Variants in GALNT2 observed in about 807,000 individuals in gnomAD.
The protein encoded by GALNT2 is UDP-GalNAc:polypeptide N-acetylgalactosaminyltransferase 2.
A neutral mutation model predicts 81.4 loss-of-function variants in GALNT2; 31 were observed. That is an observed-to-expected ratio of 0.38 (90% confidence interval 0.29 to 0.51). The LOEUF is 0.51. Among genes scored for constraint, GALNT2 ranks in the 20% least tolerant of loss-of-function variants. The pLI is 0.87. For synonymous variants in GALNT2, 303 were observed against 287.4 expected, an observed-to-expected ratio of 1.05 and a Z score of -0.55; for missense variants, 629 against 765.7, an observed-to-expected ratio of 0.82 and a Z score of 2.11.
chr1:230,101,178 A>G (rs1253374168), intron 1 of GALNT2, among the ~76,000 whole-genome samples: 1 of 152,166 alleles, frequency 6.6e-6, no homozygotes, highest in South Asian at 2.1e-4. Flanking sequence ...CCAGATCTCC[A>G]TTGTTAAGTG....
At position 230,178,326 on chromosome 1, in the gene GALNT2, C is replaced by T; in HGVS notation, c.220+15C>T. 6.2e-7 allele frequency: 1 copy of T among 1,601,062 alleles called. No homozygotes were observed. The highest frequency in any genetic ancestry group is 1.3e-5 in the African/African-American group (1 of 74,756). ...CCTCCCTCCAGGTACTGCCAGGGGC[C>T]AGGAAGCCATCTTGCTTTGAGCACG... On this transcript the variant is annotated intron_variant, in intron 2 of 15. Transcript: ENST00000366672.
chr1:230,152,480 C>T (rs917284743), intron 1 of GALNT2, among the ~76,000 whole-genome samples: 3 of 152,166 alleles, frequency 2.0e-5, no homozygotes, highest in African/African-American at 7.2e-5. Context: ...TGGAGCACAT[C>T]ATACATGTAA....
At chr1:230,130,230 T>A (rs1661325501) in intron 1 of GALNT2, among the ~76,000 whole-genome samples, 1 of 152,192 alleles carries the variant, frequency 6.6e-6, no homozygotes, top group African/African-American at 2.4e-5. Flanking sequence ...GCTAAACCTC[T>A]CTAATTGCCT....
chr1:230,140,873 A>G lies in GALNT2; in HGVS notation c.127-37345A>G, dbSNP rs940731642. ...ACCCAGCTGTACAGTATTTCAGTGT[A>G]TTCAGAGGACCTCTTTTCCATTACC... On this transcript the variant is annotated intron_variant, in intron 1 of 15. Coordinates refer to ENST00000366672, the MANE Select transcript of GALNT2 (RefSeq NM_004481.5). 2.6e-5 allele frequency among the ~76,000 whole-genome samples: 4 copies of G among 152,266 alleles called. 1 individual carries two copies. Among genetic ancestry groups the G allele is most frequent in the South Asian group, 4.1e-4 (2 of 4,832 alleles).
chr1:230,270,961 C>G (rs1666145906), intron 14 of GALNT2, among the ~76,000 whole-genome samples: 1 of 152,218 alleles, frequency 6.6e-6, no homozygotes. Context: ...GTCTGCTTTA[C>G]AGTAATTAAG....
At chr1:230,247,904 A>G (rs953775947) in intron 8 of GALNT2, among the ~76,000 whole-genome samples, 1 of 152,234 alleles carries the variant, frequency 6.6e-6, no homozygotes, top group African/African-American at 2.4e-5. Flanking sequence ...AGGAAAGGTT[A>G]TGTCAGCTAA....
chr1:230,102,058 G>A (rs935094148), intron 1 of GALNT2, among the ~76,000 whole-genome samples: 1 of 152,186 alleles, frequency 6.6e-6, no homozygotes, highest in Non-Finnish European at 1.5e-5. Context: ...CTTCTGCATT[G>A]TGTAAAGTGC....
intron 1 of GALNT2, among the ~76,000 whole-genome samples, chr1:230,152,164 T>A (rs1458786710): frequency 6.6e-6 from 1 of 152,206 alleles, no homozygotes; most frequent in East Asian, 1.9e-4. Flanking sequence ...TGCAGCCCAG[T>A]AGGTTTTAGC....
chr1:230,266,989 GACACACACACACAC>G (rs35956776), intron 14 of GALNT2, among the ~76,000 whole-genome samples: 2 of 146,678 alleles, frequency 1.4e-5, no homozygotes, highest in South Asian at 2.2e-4. Context: ...GCACGTGTGT[GACACACACACACAC>G]ACACACACAC....
chr1:230,114,443 C>T (rs149675101), intron 1 of GALNT2, among the ~76,000 whole-genome samples: 2,078 of 152,290 alleles, frequency 0.014, 26 homozygotes, highest in Middle Eastern at 0.044. Flanking sequence ...AATGGGCAGA[C>T]GTTTCCCACA....
intron 3 of GALNT2, among the ~76,000 whole-genome samples, chr1:230,204,884 G>A (rs76865300): frequency 0.036 from 5,546 of 152,326 alleles, 138 homozygotes; most frequent in Non-Finnish European, 0.056. Flanking sequence ...GCTGCTAGGG[G>A]TGGCAGGTGC....
chr1:230,061,218 GT>G (rs1659039246), intron 1 of GALNT2, among the ~76,000 whole-genome samples: 2 of 151,670 alleles, frequency 1.3e-5, no homozygotes, highest in Non-Finnish European at 2.9e-5. Context: ...GTGTGTGTGT[GT>G]GTGTGTCTGT....
chr1:230,127,380 T>C (rs771513902), intron 1 of GALNT2, among the ~76,000 whole-genome samples: 9 of 152,084 alleles, frequency 5.9e-5, no homozygotes, highest in Non-Finnish European at 1.3e-4. Flanking sequence ...TCATTATGAA[T>C]AGATTTTTTT....
intron 15 of GALNT2, among the ~76,000 whole-genome samples, chr1:230,277,805 G>A (rs1290762877): frequency 6.6e-6 from 1 of 152,158 alleles, no homozygotes; most frequent in Non-Finnish European, 1.5e-5. Flanking sequence ...TTTTATCTTG[G>A]AACTGAACTG....
At chr1:230,267,875 G>T (rs1477300984) in intron 14 of GALNT2, among the ~76,000 whole-genome samples, 1 of 152,200 alleles carries the variant, frequency 6.6e-6, no homozygotes, top group African/African-American at 2.4e-5. Flanking sequence ...GTCACTGCTG[G>T]GAAGCGGGGG....
chr1:230,064,978 A>G (rs1659137975), upstream of GALNT2, among the ~76,000 whole-genome samples: 1 of 152,254 alleles, frequency 6.6e-6, no homozygotes, highest in South Asian at 2.1e-4. Flanking sequence ...GGAGTTGATA[A>G]TTCCAGATCA....
chr1:230,186,456 C>T (rs1281128537), intron 2 of GALNT2, among the ~76,000 whole-genome samples: 2 of 152,206 alleles, frequency 1.3e-5, no homozygotes, highest in African/African-American at 4.8e-5. Context: ...ACATTACCCA[C>T]ACAATGGGGA....
intron 2 of GALNT2, among the ~76,000 whole-genome samples, chr1:230,190,968 A>G (rs981043407): frequency 2.0e-5 from 3 of 152,270 alleles, no homozygotes; most frequent in Admixed American, 6.5e-5. Context: ...GTCAATGGCA[A>G]TGCATGCATT....
At chr1:230,065,939 T>C (rs780370543), upstream of GALNT2, among the ~76,000 whole-genome samples, 1 of 152,210 alleles carries the variant, frequency 6.6e-6, no homozygotes, top group Non-Finnish European at 1.5e-5. Flanking sequence ...GCACCTGACC[T>C]CTGTTCAGTT....
Sources: gnomAD v4.1 joint callset for allele counts (sites outside exome capture counted in the v4.1 genomes callset) on GRCh38, gnomAD v4.1.1 for gene constraint, MANE v1.5 for transcripts, NCBI Gene and HGNC (gene_info 2026-07-23, HGNC 2026-07-21) for gene names.